The following CHRNA7 variants were observed in gnomAD, a reference collection of about 807,000 sequenced individuals.
The protein encoded by CHRNA7 is neuronal acetylcholine receptor subunit alpha-7.
In CHRNA7, 17 loss-of-function variants were observed where a neutral mutation model predicts 48.0. The observed-to-expected ratio is 0.35, with a 90% CI of 0.24 to 0.53. The LOEUF (loss-of-function observed/expected upper bound fraction) is 0.53. CHRNA7 is among the 20% of genes least tolerant of loss of function. CHRNA7 has a pLI of 0.92. For missense variants in CHRNA7, 155 were observed against 577.7 expected (o/e 0.27, Z 7.50); for synonymous variants, 75 against 242.3 (o/e 0.31, Z 6.41).
intron 2 of CHRNA7, among the ~76,000 whole-genome samples, chr15:32,063,492 A>G (rs187628665): frequency 2.0e-5 from 3 of 152,350 alleles, no homozygotes; most frequent in East Asian, 3.9e-4. Context: ...GTCTCTGTGG[A>G]GACCAGCAGT....
intron 4 of CHRNA7, among the ~76,000 whole-genome samples, chr15:32,152,097 T>C (rs977481945): frequency 6.6e-6 from 1 of 152,196 alleles, no homozygotes; most frequent in Admixed American, 6.5e-5. Context: ...GTGAGACACT[T>C]AGACACAGAA....
At chr15:32,085,253 A>G (rs1468083849) in intron 2 of CHRNA7, among the ~76,000 whole-genome samples, 1 of 152,186 alleles carries the variant, frequency 6.6e-6, no homozygotes, top group African/African-American at 2.4e-5. Context: ...ATAATTTATA[A>G]AAATATCAAT....
rs1566788607 is a variant in CHRNA7 at position 32,031,009 on chromosome 15, C to T, written c.167C>T (p.Ser56Phe). 2 of 1,614,202 alleles carry T rather than the reference C, an allele frequency of 1.2e-6. No individual in the cohort carries two copies. Among genetic ancestry groups the T allele is most frequent in the Non-Finnish European group, 8.5e-7 (1 of 1,180,018 alleles). Reference protein sequence around the residue: ...NDSQPLTVYFSLSLLQIMDVD... With the variant: ...NDSQPLTVYFFLSLLQIMDVD... ...TCGCAACCACTCACCGTCTACTTCT[C>T]CCTGAGCCTCCTGCAGATCATGGAC... Residue 56 changes from serine to phenylalanine, a missense_variant, in exon 2 of 10, where the codon TCC (serine) becomes TTC (phenylalanine). Physicochemically the swap from Ser to Phe is radical, Grantham distance 155. Transcript: ENST00000306901.
chr15:32,169,056 T>A lies in CHRNA7; in HGVS notation c.*598T>A, dbSNP rs1262068504. The A allele has an allele frequency of 7.1e-6, 1 of 140,610 alleles. No individual in the cohort carries two copies. The highest frequency in any genetic ancestry group is 7.0e-5 in the Admixed American group (1 of 14,358). The allele number at this position is 140,610 out of a possible 1,614,324, so 8.7% of individuals were successfully genotyped here. ...TTAAAAAAAAAAAAAAAAGACAGAC[T>A]GTTGGTCTTACTAAGGATGTTTTTA... On this transcript the variant is annotated 3_prime_UTR_variant, in exon 10 of 10. Transcript: ENST00000306901.
chr15:32,111,016 G>A (rs2050754133), intron 3 of CHRNA7, among the ~76,000 whole-genome samples: 1 of 152,150 alleles, frequency 6.6e-6, no homozygotes, highest in Non-Finnish European at 1.5e-5. Context: ...CTGGTTATGT[G>A]GCAGCTGCAG....
chr15:32,045,459 G>A (rs1423963366), intron 2 of CHRNA7, among the ~76,000 whole-genome samples: 1 of 152,132 alleles, frequency 6.6e-6, no homozygotes, highest in African/African-American at 2.4e-5. Flanking sequence ...CCCTTTAAGC[G>A]CTGGTTTGTT....
In CHRNA7 at chr15:32,038,494, G is replaced by A. The variant is rs115019660; in HGVS notation, c.195+7457G>A. Among the ~76,000 whole-genome samples, 1,228 of 152,210 alleles carry A rather than the reference G, an allele frequency of 8.1e-3. 15 individuals carry two copies. The highest frequency in any genetic ancestry group is 0.026 in the African/African-American group (1,090 of 41,528). ...CTGGAATGAATCTCACTTGACCATG[G>A]TGTATAATTCTTTTTGTACATTGTT... On this transcript the variant is annotated intron_variant, in intron 2 of 9. Transcript: ENST00000306901.
intron 2 of CHRNA7, among the ~76,000 whole-genome samples, chr15:32,050,077 C>T (rs1257815622): frequency 6.6e-6 from 1 of 152,140 alleles, no homozygotes; most frequent in Non-Finnish European, 1.5e-5. Flanking sequence ...CTGCCCTTAA[C>T]GTTTTTTCTT....
chr15:32,083,562 T>C (rs1337048391), intron 2 of CHRNA7, among the ~76,000 whole-genome samples: 8 of 152,188 alleles, frequency 5.3e-5, no homozygotes, highest in African/African-American at 1.9e-4. Context: ...TTGGGCTACA[T>C]GTGAAGGGAT....
At chr15:32,126,965 T>C (rs1192628130) in intron 4 of CHRNA7, among the ~76,000 whole-genome samples, 1 of 152,150 alleles carries the variant, frequency 6.6e-6, no homozygotes, top group Non-Finnish European at 1.5e-5. Context: ...ATTCATCACA[T>C]GTATTGATTC....
intron 9 of CHRNA7, among the ~76,000 whole-genome samples, chr15:32,165,252 G>T (rs1488209697): frequency 1.1e-4 from 9 of 80,462 alleles, no homozygotes; most frequent in African/African-American, 4.7e-4. Flanking sequence ...TGTTTCTAAA[G>T]TCAAAATAAA....
rs547817953 is a variant in CHRNA7, at chr15:32,033,437, G to A, written c.195+2400G>A. On this transcript the variant is annotated intron_variant, in intron 2 of 9. Transcript: ENST00000306901. The stretch of plus-strand genomic sequence containing the variant: ...ACTCTGTGATTAGAGGTAGGGCTAT[G>A]AGGAAAACCAACATCGGACAAGTCC... 1.0e-3 allele frequency among the ~76,000 whole-genome samples: 155 copies of A among 152,302 alleles called. 1 individual carries two copies. The Middle Eastern group carries it at 0.01, about 10-fold the overall frequency.
At chr15:32,109,527 C>G (rs2050727766) in intron 3 of CHRNA7, among the ~76,000 whole-genome samples, 1 of 152,210 alleles carries the variant, frequency 6.6e-6, no homozygotes, top group South Asian at 2.1e-4. Context: ...TTAAATGCCT[C>G]TGACACAATG....
At position 32,149,433 on chromosome 15, in the gene CHRNA7, G is replaced by A. The variant is rs993214718; in HGVS notation, c.351-4474G>A. 5.9e-5 allele frequency among the ~76,000 whole-genome samples: 9 copies of A among 152,142 alleles called. No homozygotes were observed. The highest frequency in any genetic ancestry group is 9.7e-5 in the African/African-American group (4 of 41,426). On this transcript the variant is annotated intron_variant, in intron 4 of 9. Coordinates refer to ENST00000306901, the MANE Select transcript of CHRNA7 (RefSeq NM_000746.6). This position sits in a 1 kb window ranked among gnomAD's most constrained non-coding sequence, Gnocchi z 4.6. ...AGGGGTTCTGGCCACTCACATTTCCGAGGTTCTTCATTTCCCACCTCAGAT... is the reference window on the plus strand; with the variant it reads ...AGGGGTTCTGGCCACTCACATTTCCAAGGTTCTTCATTTCCCACCTCAGAT...
intron 2 of CHRNA7, among the ~76,000 whole-genome samples, chr15:32,077,779 G>A (rs977761863): frequency 7.2e-5 from 11 of 152,170 alleles, no homozygotes; most frequent in Non-Finnish European, 1.2e-4. Flanking sequence ...AGAAGGTGAA[G>A]GAGGAGGAGC....
chr15:32,058,868 C>G (rs139381340), intron 2 of CHRNA7, among the ~76,000 whole-genome samples: 1 of 152,162 alleles, frequency 6.6e-6, no homozygotes, highest in Admixed American at 6.5e-5. Context: ...ATGTATATAA[C>G]TTTAAAGAAC....
At chr15:32,117,257 T>A (rs1292654053) in intron 4 of CHRNA7, among the ~76,000 whole-genome samples, 1 of 152,208 alleles carries the variant, frequency 6.6e-6, no homozygotes, top group African/African-American at 2.4e-5. Flanking sequence ...ATCTCAGCCT[T>A]GTTCTGAGGA....
chr15:32,145,899 T>C (rs1390766030), intron 4 of CHRNA7, among the ~76,000 whole-genome samples: 1 of 152,224 alleles, frequency 6.6e-6, no homozygotes, highest in Non-Finnish European at 1.5e-5. Flanking sequence ...CGCCCCACCC[T>C]GCTTTGGCTT....
intron 2 of CHRNA7, among the ~76,000 whole-genome samples, chr15:32,054,078 G>A (rs2049741442): frequency 6.6e-6 from 1 of 152,148 alleles, no homozygotes; most frequent in African/African-American, 2.4e-5. Flanking sequence ...AGAGGGAGGA[G>A]AACTTATTTA....
Sources: gnomAD v4.1 joint callset for allele counts (sites outside exome capture counted in the v4.1 genomes callset) on GRCh38, gnomAD v4.1.1 for gene constraint, Gnocchi (gnomAD v3.1) non-coding constraint, MANE v1.5 for transcripts, NCBI Gene and HGNC (gene_info 2026-07-23, HGNC 2026-07-21) for gene names.